Variants in PKHD1 observed in about 807,000 individuals in gnomAD.
The protein encoded by PKHD1 is fibrocystin.
A neutral mutation model predicts 412.0 loss-of-function variants in PKHD1; 291 were observed. The observed-to-expected ratio is 0.71, with a 90% CI of 0.64 to 0.78. The LOEUF (loss-of-function observed/expected upper bound fraction) is 0.78, where lower values mean the gene tolerates loss of function less well. Ranked by LOEUF, PKHD1 falls within the 30% of genes least tolerant of loss-of-function variation. The pLI is 0.00. For synonymous variants in PKHD1, 1,777 were observed against 1,821.5 expected (o/e 0.98, Z 0.62); for missense variants, 4,825 against 4,950.7 (o/e 0.97, Z 0.76).
intron 55 of PKHD1, among the ~76,000 whole-genome samples, chr6:51,758,684 T>C (rs142499791): frequency 1.2e-4 from 18 of 152,296 alleles, no homozygotes; most frequent in African/African-American, 4.1e-4. Context: ...GAGGAAATTA[T>C]GAATAATCAC....
intron 52 of PKHD1, among the ~76,000 whole-genome samples, chr6:51,824,417 T>C (rs958407165): frequency 1.3e-5 from 2 of 152,154 alleles, no homozygotes; most frequent in African/African-American, 4.8e-5. Context: ...TGAGAACACC[T>C]GCTCTGTGGA....
At chr6:51,714,042 C>T (rs922660740) in intron 60 of PKHD1, among the ~76,000 whole-genome samples, 4 of 152,052 alleles carry the variant, frequency 2.6e-5, no homozygotes, top group South Asian at 2.1e-4. Context: ...TGCTCTTCCT[C>T]ATCATAGAAG....
At chr6:51,896,563 A>G (rs1225922660) in intron 43 of PKHD1, among the ~76,000 whole-genome samples, 4 of 151,352 alleles carry the variant, frequency 2.6e-5, no homozygotes, top group African/African-American at 9.7e-5. Context: ...AAAGATGGGG[A>G]AAAAACAGAA....
At chr6:51,961,820 A>G (rs1455828837) in intron 35 of PKHD1, among the ~76,000 whole-genome samples, 1 of 152,110 alleles carries the variant, frequency 6.6e-6, no homozygotes, top group African/African-American at 2.4e-5. Flanking sequence ...AAGCCCAGAG[A>G]TGGAAAGGAC....
Position 51,619,358 on chromosome 6 carries a change from G to C in PKHD1, c.11948C>G (p.Ala3983Gly). The change falls in exon 67 of 67, where the codon GCT becomes GGT. Residue 3983 changes from alanine to glycine, a missense_variant. Physicochemically the swap from Ala to Gly is moderately conservative, Grantham distance 60 (BLOSUM62 0). Transcript: ENST00000371117. ...TGITSHGHIC[A>G]PGAPAQQVYL... is the part of the protein sequence containing the mutation. Reference sequence around the variant, plus strand: ...CACCTGCTGAGCAGGAGCACCTGGAGCACAGATGTGCCCATGGGATGTGAT... The same window carrying C: ...CACCTGCTGAGCAGGAGCACCTGGACCACAGATGTGCCCATGGGATGTGAT... The C allele has an allele frequency of 6.2e-7, 1 of 1,614,190 alleles. No individual in the cohort carries two copies. Among genetic ancestry groups the C allele is most frequent in the South Asian group, 1.1e-5 (1 of 91,086 alleles).
At chr6:51,709,931 G>T (rs12214235) in intron 60 of PKHD1, among the ~76,000 whole-genome samples, 29,522 of 151,198 alleles carry the variant, frequency 0.2, 3,787 homozygotes, top group Non-Finnish European at 0.29. Context: ...GGAATTGGCT[G>T]GGCACGGTGG....
rs568791163 is a variant in PKHD1, at chr6:51,838,704, T to C, written c.8108-2235A>G. Reference sequence around the variant, plus strand: ...CTTCCCAAACACCATTTCCTGGTCATGGTCATGACAATAGTGAATGGTGGG... The same window carrying C: ...CTTCCCAAACACCATTTCCTGGTCACGGTCATGACAATAGTGAATGGTGGG... On this transcript the variant is annotated intron_variant, in intron 50 of 66. Coordinates refer to ENST00000371117, the MANE Select transcript of PKHD1 (RefSeq NM_138694.4). Among the ~76,000 whole-genome samples, 15 of 152,302 alleles carry C rather than the reference T, an allele frequency of 9.8e-5. No homozygotes were observed. The South Asian group carries it at 1.7e-3, about 17-fold the overall frequency.
rs1248397819 is a variant in PKHD1, at chr6:51,747,955, G to T, written c.9661C>A (p.Pro3221Thr). Residue 3221 changes from proline (P) to threonine (T), a missense_variant, in exon 58 of 67, where the codon CCG (proline) becomes ACG (threonine). Transcript: ENST00000371117. Reference protein sequence around the residue: ...SFDCIQDKVKPHSANLTSTDR... With the variant: ...SFDCIQDKVKTHSANLTSTDR... ...GTTGATGTCAAGTTGGCTGAGTGCG[G>T]CTTCACTTTGTCCTGAATGCAGTCA... is the stretch of plus-strand genomic sequence containing the variant. 1 of 1,613,906 alleles carries T rather than the reference G, an allele frequency of 6.2e-7. No individual in the cohort carries two copies. The highest frequency in any genetic ancestry group is 1.7e-5 in the Admixed American group (1 of 59,960).
intron 61 of PKHD1, among the ~76,000 whole-genome samples, 195 bp downstream of exon 61, chr6:51,658,757 T>A (rs1772307347): frequency 1.3e-5 from 2 of 152,116 alleles, no homozygotes; most frequent in Non-Finnish European, 2.9e-5. Flanking sequence ...AGAATAATCA[T>A]GAAAAACATG....
chr6:51,628,838 A>G (rs1767595651), intron 65 of PKHD1, among the ~76,000 whole-genome samples: 1 of 152,190 alleles, frequency 6.6e-6, no homozygotes, highest in Non-Finnish European at 1.5e-5. Flanking sequence ...CAGTAACCAA[A>G]ACAGAATGGC....
At chr6:51,668,953 T>A (rs1218376489) in intron 60 of PKHD1, among the ~76,000 whole-genome samples, 1 of 152,218 alleles carries the variant, frequency 6.6e-6, no homozygotes, top group Admixed American at 6.5e-5. Flanking sequence ...TTTGCCAGTA[T>A]TTTATTGAGG....
At chr6:51,702,673 T>C (rs549059337) in intron 60 of PKHD1, among the ~76,000 whole-genome samples, 13 of 151,922 alleles carry the variant, frequency 8.6e-5, no homozygotes, top group African/African-American at 2.7e-4. Flanking sequence ...GATTCCAAGA[T>C]CTAGAAAAAG....
At chr6:51,791,495 C>A in intron 52 of PKHD1, 122 bp from the exon 53 acceptor site, 1 of 827,942 alleles carries the variant, frequency 1.2e-6, no homozygotes, top group South Asian at 1.4e-5. Flanking sequence ...ACAGGTATAG[C>A]AACTGGAAGA....
At chr6:51,655,756 C>G (rs923032898) in intron 61 of PKHD1, among the ~76,000 whole-genome samples, 1 of 152,016 alleles carries the variant, frequency 6.6e-6, no homozygotes, top group Non-Finnish European at 1.5e-5. Context: ...CCTATGACTA[C>G]AGAATTGAGG....
At chr6:51,714,154 G>A (rs574087945) in intron 60 of PKHD1, among the ~76,000 whole-genome samples, 16 of 152,176 alleles carry the variant, frequency 1.1e-4, no homozygotes, top group African/African-American at 3.1e-4. Flanking sequence ...GGCGAATCAC[G>A]AGATCAGGAG....
intron 25 of PKHD1, among the ~76,000 whole-genome samples, chr6:52,044,641 A>T (rs1303031015): frequency 2.0e-5 from 3 of 152,244 alleles, no homozygotes; most frequent in Non-Finnish European, 4.4e-5. Context: ...TTTAAAGACA[A>T]AAAGAATGAC....
At chr6:51,987,251 A>C (rs1796333971) in intron 35 of PKHD1, among the ~76,000 whole-genome samples, 1 of 152,218 alleles carries the variant, frequency 6.6e-6, no homozygotes, top group South Asian at 2.1e-4. Flanking sequence ...GCAAACTGAA[A>C]ACCAGAACAA....
rs200864129 is a variant in PKHD1 at position 52,022,922 on chromosome 6, C to G, written c.5259G>C (p.Val1753=). 3.7e-6 allele frequency: 6 copies of G among 1,614,172 alleles called. No individual in the cohort carries two copies. In the Admixed American group the frequency reaches 1.0e-4, roughly 27 times the overall value. Residue 1753 remains valine, a synonymous_variant, in exon 33 of 67, where the codon GTG becomes GTC. Coordinates refer to ENST00000371117, the MANE Select transcript of PKHD1 (RefSeq NM_138694.4). ...ENFGCLGGRL[V]HVFGAGFSPG... ...GAGAAAATCCCGCTCCAAACACATG[C>G]ACCAGCCTTCCACCCAGGCAGCCTT...
In PKHD1 at chr6:51,627,030, C is replaced by G; in HGVS notation, c.11752G>C (p.Gly3918Arg). Residue 3918 changes from glycine to arginine, a missense_variant, in exon 66 of 67, where the codon GGG becomes CGG. Physicochemically the swap from Gly to Arg is moderately radical, Grantham distance 125. Coordinates refer to ENST00000371117, the MANE Select transcript of PKHD1 (RefSeq NM_138694.4). Reference sequence around the variant, plus strand: ...ACCACAGTGTCTTCTTTTTTGGGCCCTTGTGATTCTCGGCGTTTGGATGAG... The same window carrying G: ...ACCACAGTGTCTTCTTTTTTGGGCCGTTGTGATTCTCGGCGTTTGGATGAG... The part of the protein sequence containing the change: ...HISSKRRESQ[G>R]PKKEDTVVGE... The G allele has an allele frequency of 1.2e-6, 2 of 1,613,462 alleles. No homozygotes were observed. The highest frequency in any genetic ancestry group is 8.5e-7 in the Non-Finnish European group (1 of 1,179,584).
Sources: allele counts gnomAD v4.1 joint callset (sites outside exome capture counted in the v4.1 genomes callset), GRCh38; gene constraint gnomAD v4.1.1; transcripts MANE v1.5; gene names NCBI Gene and HGNC (gene_info 2026-07-23, HGNC 2026-07-21).